Variants in NYAP2 observed in about 807,000 individuals in gnomAD.
NYAP2 encodes the protein neuronal tyrosine-phosphorylated phosphoinositide-3-kinase adaptor 2, also known as neuronal tyrosine-phosphorylated phosphoinositide-3-kinase adapter 2.
Under a neutral mutation model 50.4 loss-of-function variants are expected in NYAP2, and 23 were observed. The observed-to-expected ratio is 0.46, with a 90% CI of 0.33 to 0.65. The LOEUF (loss-of-function observed/expected upper bound fraction) is 0.65, where lower values mean the gene tolerates loss of function less well. Ranked by LOEUF, NYAP2 falls within the 30% of genes least tolerant of loss-of-function variation. The pLI, the probability that NYAP2 is intolerant of heterozygous loss-of-function variation, is 0.02. For missense variants in NYAP2, 885 were observed against 861.0 expected (o/e 1.03, Z -0.35); for synonymous variants, 394 against 365.2 (o/e 1.08, Z -0.90).
chr2:225,486,040 A>G (rs1690293102), intron 3 of NYAP2, among the ~76,000 whole-genome samples: 1 of 151,890 alleles, frequency 6.6e-6, no homozygotes, highest in Non-Finnish European at 1.5e-5. Flanking sequence ...TCCTACCCCC[A>G]TTTGGTTGAG....
rs1413686045 is a variant in NYAP2, at chr2:225,421,334, T to C, written c.221+12233T>C. 3.3e-5 allele frequency among the ~76,000 whole-genome samples: 5 copies of C among 152,308 alleles called. No individual in the cohort carries two copies. The East Asian group carries it at 9.6e-4, about 29-fold the overall frequency. The stretch of plus-strand genomic sequence containing the variant: ...TTTGTTTTTGAGATGAGTGACAAAA[T>C]AGGATTGAAAATCATTTGTCAAGCA... On this transcript the variant is annotated intron_variant, in intron 3 of 6. Coordinates refer to ENST00000636099, the Ensembl canonical transcript of NYAP2.
intron 3 of NYAP2, among the ~76,000 whole-genome samples, chr2:225,445,633 A>G (rs952247564): frequency 6.6e-6 from 1 of 152,246 alleles, no homozygotes; most frequent in East Asian, 1.9e-4. Context: ...TATCTTTTAA[A>G]AATATATTTT....
intron 4 of NYAP2, among the ~76,000 whole-genome samples, chr2:225,541,002 T>C (rs1182002264): frequency 2.0e-5 from 3 of 152,110 alleles, no homozygotes; most frequent in Non-Finnish European, 2.9e-5. Context: ...GATGAGATGA[T>C]ATTTATTGTA....
At chr2:225,464,408 C>A (rs1689882722) in intron 3 of NYAP2, among the ~76,000 whole-genome samples, 1 of 152,234 alleles carries the variant, frequency 6.6e-6, no homozygotes, top group South Asian at 2.1e-4. Context: ...GTGAGAGGGT[C>A]TGTGGGAGAA....
intron 4 of NYAP2, among the ~76,000 whole-genome samples, chr2:225,559,302 G>A (rs1178185730): frequency 6.6e-6 from 1 of 151,226 alleles, no homozygotes; most frequent in African/African-American, 2.4e-5. Context: ...TTATCATGGA[G>A]AGGATGCTTT....
chr2:225,700,310 TGTGTGTGTGA>T, the NYAP2 span: 1 of 151,780 alleles, frequency 6.6e-6, no homozygotes, highest in African/African-American at 2.4e-5. Flanking sequence ...CGTGCATGTG[TGTGTGTGTGA>T]GTGTGTGTGT....
At chr2:225,479,219 G>GA (rs1405720076) in intron 3 of NYAP2, among the ~76,000 whole-genome samples, 1 of 152,100 alleles carries the variant, frequency 6.6e-6, no homozygotes, top group Non-Finnish European at 1.5e-5. Context: ...TCAGCCAGAA[G>GA]AAAAATCTGG....
intron 3 of NYAP2, among the ~76,000 whole-genome samples, chr2:225,479,057 A>C (rs1231451052): frequency 3.9e-5 from 6 of 152,244 alleles, no homozygotes; most frequent in Non-Finnish European, 7.3e-5. Flanking sequence ...ATGTGATTGA[A>C]TATTGAGGGA....
At chr2:225,590,477 T>G (rs1559223825) in intron 5 of NYAP2, among the ~76,000 whole-genome samples, 1 of 152,208 alleles carries the variant, frequency 6.6e-6, no homozygotes, top group East Asian at 1.9e-4. Context: ...TAGACCTATT[T>G]AATGAGAAAC....
chr2:225,612,796 G>GGACATCACACACAATGTGTGTGAT (rs1692916967), intron 5 of NYAP2, among the ~76,000 whole-genome samples: 2 of 124,388 alleles, frequency 1.6e-5, no homozygotes, highest in African/African-American at 2.9e-5. Flanking sequence ...CCCCACCTTT[G>GGACATCACACACAATGTGTGTGAT]GACATCACAC....
chr2:225,520,862 G>A (rs560441213), intron 4 of NYAP2, among the ~76,000 whole-genome samples: 3 of 152,224 alleles, frequency 2.0e-5, no homozygotes, highest in Admixed American at 1.3e-4. Flanking sequence ...ATTACCTTGG[G>A]CAGTATGGCC....
At chr2:225,409,236 G>A (rs1394715190) in intron 3 of NYAP2, 135 bp downstream of exon 3, 6 of 629,562 alleles carry the variant, frequency 9.5e-6, no homozygotes, top group East Asian at 5.6e-5. Flanking sequence ...ATATGAAAGC[G>A]ACCCCTCAAC....
chr2:225,457,930 T>C (rs1328210611), intron 3 of NYAP2, among the ~76,000 whole-genome samples: 2 of 152,182 alleles, frequency 1.3e-5, no homozygotes, highest in Non-Finnish European at 2.9e-5. Flanking sequence ...AAGCATTTGG[T>C]CATGCAGAAA....
chr2:225,545,751 A>C (rs1691568718), intron 4 of NYAP2, among the ~76,000 whole-genome samples: 1 of 151,886 alleles, frequency 6.6e-6, no homozygotes, highest in Admixed American at 6.6e-5. Flanking sequence ...TCTCCTGTCG[A>C]TATCTGTTGG....
At chr2:225,500,947 A>G (rs1690594250) in intron 3 of NYAP2, among the ~76,000 whole-genome samples, 1 of 152,206 alleles carries the variant, frequency 6.6e-6, no homozygotes, top group South Asian at 2.1e-4. Flanking sequence ...TTTGCACCCT[A>G]AAACAGAAAA....
chr2:225,504,895 C>A (rs1051161680), intron 3 of NYAP2, among the ~76,000 whole-genome samples: 4 of 151,988 alleles, frequency 2.6e-5, no homozygotes, highest in South Asian at 2.1e-4. Context: ...GTAATCCCAG[C>A]TACTTGGGAG....
chr2:225,463,365 A>T (rs1479714958), intron 3 of NYAP2, among the ~76,000 whole-genome samples: 3 of 152,276 alleles, frequency 2.0e-5, no homozygotes, highest in South Asian at 2.1e-4. Context: ...TGAATAGGTG[A>T]TCAGTCAATC....
At chr2:225,677,280 A>G in the NYAP2 span, among the ~76,000 whole-genome samples, 3,062 of 152,166 alleles carry the variant, frequency 0.02, 106 homozygotes, top group African/African-American at 0.069. Flanking sequence ...AAACTTTCCT[A>G]AAGTTATTTA....
chr2:225,521,443 A>G (rs377600008), intron 4 of NYAP2, among the ~76,000 whole-genome samples: 6 of 151,682 alleles, frequency 4.0e-5, no homozygotes, highest in East Asian at 2.0e-4. Context: ...TTTGAGATAC[A>G]TCCCATCAAT....
Sources: gnomAD v4.1 joint callset for allele counts (sites outside exome capture counted in the v4.1 genomes callset) on GRCh38, gnomAD v4.1.1 for gene constraint, MANE v1.5 for transcripts, NCBI Gene and HGNC (gene_info 2026-07-23, HGNC 2026-07-21) for gene names.